XRCC6: variants seen among roughly 807,000 people sequenced by gnomAD.
XRCC6 encodes the protein DNA repair protein Ku70.
Under a neutral mutation model 65.7 loss-of-function variants are expected in XRCC6, and 5 were observed. That is an observed-to-expected ratio of 0.08 (90% CI 0.04 to 0.16). The LOEUF (loss-of-function observed/expected upper bound fraction) is 0.16, where lower values mean the gene tolerates loss of function less well. Among genes scored for constraint, XRCC6 ranks in the 10% least tolerant of loss-of-function variants. The pLI is 1.00. For synonymous variants in XRCC6, 270 were observed against 270.6 expected, an observed-to-expected ratio of 1.00 and a Z score of 0.02; for missense variants, 447 against 738.1, an observed-to-expected ratio of 0.61 and a Z score of 4.57.
chr22:41,657,362 T>A (rs1224001316), intron 10 of XRCC6, among the ~76,000 whole-genome samples: 1 of 152,060 alleles, frequency 6.6e-6, no homozygotes, highest in Admixed American at 6.6e-5. Flanking sequence ...CTAGTGTAAA[T>A]TGTTAAAGGC....
chr22:41,638,557 G>A (rs1393451009), intron 6 of XRCC6, among the ~76,000 whole-genome samples: 1 of 152,086 alleles, frequency 6.6e-6, no homozygotes, highest in African/African-American at 2.4e-5. Flanking sequence ...ATGCCGAGGC[G>A]GGTGGATCAC....
At chr22:41,623,883 C>A (rs777564830) in intron 2 of XRCC6, among the ~76,000 whole-genome samples, 2 of 152,032 alleles carry the variant, frequency 1.3e-5, no homozygotes, top group Non-Finnish European at 2.9e-5. Flanking sequence ...CCACCACACT[C>A]GGCTAATTTT....
At chr22:41,632,610 C>G (rs2067767387) in intron 3 of XRCC6, among the ~76,000 whole-genome samples, 1 of 151,712 alleles carries the variant, frequency 6.6e-6, no homozygotes, top group Non-Finnish European at 1.5e-5. Context: ...GACTCCATCT[C>G]AAGAAAACAA....
At chr22:41,631,051 G>A (rs1327947895) in intron 3 of XRCC6, among the ~76,000 whole-genome samples, 2 of 151,674 alleles carry the variant, frequency 1.3e-5, no homozygotes, top group African/African-American at 2.4e-5. Flanking sequence ...GGGCAGAGGC[G>A]CCCCTCACCT....
chr22:41,643,852 G>A (rs1309779849), intron 6 of XRCC6, among the ~76,000 whole-genome samples: 1 of 146,964 alleles, frequency 6.8e-6, no homozygotes, highest in Non-Finnish European at 1.5e-5. Context: ...GGGCGCAGTG[G>A]CATGTGCTTG....
At chr22:41,641,044 C>G (rs1301954655) in intron 6 of XRCC6, among the ~76,000 whole-genome samples, 2 of 152,042 alleles carry the variant, frequency 1.3e-5, no homozygotes, top group Admixed American at 6.5e-5. Context: ...GAAGCAAGAC[C>G]AGCCTGGGCA....
chr22:41,636,489 T>G (rs763525468), intron 4 of XRCC6, 27 bp from the exon 5 acceptor site: 7 of 1,608,706 alleles, frequency 4.4e-6, no homozygotes, highest in Non-Finnish European at 5.1e-6. Context: ...GATTTTTCTT[T>G]CCATTTGACT....
chr22:41,649,814 G>A (rs1466156098), intron 7 of XRCC6, among the ~76,000 whole-genome samples: 1 of 149,746 alleles, frequency 6.7e-6, no homozygotes, highest in Non-Finnish European at 1.5e-5. Flanking sequence ...CGAGATCGCT[G>A]CCTGGGTGAC....
At chr22:41,634,056 C>T (rs1236612141) in intron 3 of XRCC6, among the ~76,000 whole-genome samples, 1 of 152,154 alleles carries the variant, frequency 6.6e-6, no homozygotes. Context: ...TTGTCAGTGA[C>T]TAGCTATAGT....
chr22:41,624,351 G>T (rs893377429), intron 2 of XRCC6, among the ~76,000 whole-genome samples: 15 of 151,734 alleles, frequency 9.9e-5, no homozygotes, highest in Non-Finnish European at 2.2e-4. Context: ...TTGCAACACT[G>T]CACTCCAGTC....
At chr22:41,625,939 A>G (rs2067665164) in intron 2 of XRCC6, among the ~76,000 whole-genome samples, 1 of 152,164 alleles carries the variant, frequency 6.6e-6, no homozygotes, top group South Asian at 2.1e-4. Flanking sequence ...CCCAAGTTCA[A>G]GTGATTCTCC....
intron 10 of XRCC6, among the ~76,000 whole-genome samples, chr22:41,657,435 G>C (rs955922942): frequency 2.6e-5 from 4 of 151,392 alleles, no homozygotes; most frequent in Non-Finnish European, 5.9e-5. Flanking sequence ...CCAACTCTCA[G>C]AGCCTGCATA....
At chr22:41,648,747 C>A (rs1310871276) in intron 7 of XRCC6, among the ~76,000 whole-genome samples, 1 of 152,092 alleles carries the variant, frequency 6.6e-6, no homozygotes, top group African/African-American at 2.4e-5. Flanking sequence ...TTTTGCCCTA[C>A]TCTTTGAAGG....
At chr22:41,660,501 T>G (rs948815807) in intron 11 of XRCC6, among the ~76,000 whole-genome samples, 1 of 152,106 alleles carries the variant, frequency 6.6e-6, no homozygotes, top group African/African-American at 2.4e-5. Flanking sequence ...CCTCTTTCAG[T>G]TCACCCTCCA....
rs1206103462 is a variant in XRCC6, at chr22:41,649,137, AAAATATATATATATATAT to A, written c.961-1584_961-1567del. Among the ~76,000 whole-genome samples, 89 of 92,874 alleles carry A rather than the reference AAAATATATATATATATAT, an allele frequency of 9.6e-4. 2 individuals are homozygous for A. Among genetic ancestry groups the A allele is most frequent in the Non-Finnish European group, 1.5e-3 (72 of 49,540 alleles). The allele number at this position is 92,874 out of a possible 152,430, so 60.9% of individuals were successfully genotyped here. A position where few individuals can be genotyped will look rare whatever the true frequency, so the allele number is the denominator to read the frequency against. The stretch of plus-strand genomic sequence containing the variant: ...TGGGGAAGAGAGTACAAAAAAAAAA[AAAATATATATATATATAT>A]ATATATATGTATGTATGTGTGTGTG... On this transcript the variant is annotated intron_variant, in intron 7 of 12. Coordinates refer to ENST00000360079, the MANE Select transcript of XRCC6 (RefSeq NM_001469.5).
intron 6 of XRCC6, among the ~76,000 whole-genome samples, chr22:41,638,803 TATGGTATAAAGATAA>T (rs1286638890): frequency 2.5e-5 from 3 of 118,728 alleles, no homozygotes; most frequent in African/African-American, 3.5e-5. Context: ...AAAAAAGAAA[TATGGTATAAAGATAA>T]ATGGTATACC....
intron 2 of XRCC6, among the ~76,000 whole-genome samples, chr22:41,627,568 G>A (rs561159454): frequency 1.5e-5 from 2 of 134,520 alleles, no homozygotes; most frequent in African/African-American, 2.9e-5. Context: ...CCGAGATTGT[G>A]CCACTGTACT....
intron 6 of XRCC6, among the ~76,000 whole-genome samples, chr22:41,645,492 C>G (rs1449443317): frequency 1.3e-5 from 2 of 151,906 alleles, no homozygotes; most frequent in African/African-American, 2.4e-5. Context: ...TCAGAGACCC[C>G]GACTCTCAGA....
At position 41,650,691 on chromosome 22, in the gene XRCC6, C is replaced by A. The variant is rs955740497; in HGVS notation, c.961-32C>A. 3.1e-6 allele frequency: 5 copies of A among 1,604,588 alleles called. No individual in the cohort carries two copies. The African/African-American group carries it at 5.4e-5, about 17-fold the overall frequency. ...TTATTTTGCATCTCCTCGTAGCCTT[C>A]CCATTTGATCCTTGTCGTTCTTCTC... On this transcript the variant is annotated intron_variant, in intron 7 of 12. Transcript: ENST00000360079.
Sources: gnomAD v4.1 joint callset for allele counts (sites outside exome capture counted in the v4.1 genomes callset) on GRCh38, gnomAD v4.1.1 for gene constraint, MANE v1.5 for transcripts, NCBI Gene and HGNC (gene_info 2026-07-23, HGNC 2026-07-21) for gene names.